The following CACNG2 variants were observed in gnomAD, a reference collection of about 807,000 sequenced individuals.
CACNG2 encodes calcium voltage-gated channel auxiliary subunit gamma 2.
A neutral mutation model predicts 25.9 loss-of-function variants in CACNG2; 3 were observed. The observed-to-expected ratio is 0.12, with a 90% CI of 0.05 to 0.30. The LOEUF is 0.30. Among genes scored for constraint, CACNG2 ranks in the 10% least tolerant of loss-of-function variants. The probability of loss-of-function intolerance (pLI) is 1.00; values close to 1 mark genes in which losing one functional copy is unlikely to be tolerated. For missense variants in CACNG2, 341 were observed against 432.5 expected, an observed-to-expected ratio of 0.79 and a Z score of 1.88; for synonymous variants, 167 against 173.3, an observed-to-expected ratio of 0.96 and a Z score of 0.29.
At chr22:36,583,829 G>C (rs2145919731) in intron 2 of CACNG2, among the ~76,000 whole-genome samples, 1 of 152,274 alleles carries the variant, frequency 6.6e-6, no homozygotes, top group South Asian at 2.1e-4. Flanking sequence ...TAGAATGAGA[G>C]CTGAGGTCTC....
intron 1 of CACNG2, among the ~76,000 whole-genome samples, chr22:36,645,180 A>G (rs1231542239): frequency 6.6e-6 from 1 of 152,062 alleles, no homozygotes; most frequent in Non-Finnish European, 1.5e-5. Context: ...GCATACCCAC[A>G]CCTCTTGGCT....
intron 1 of CACNG2, among the ~76,000 whole-genome samples, chr22:36,697,676 C>T (rs1158121521): frequency 6.6e-6 from 1 of 152,110 alleles, no homozygotes; most frequent in East Asian, 1.9e-4. Context: ...GAATGCAAGG[C>T]CTGGCTGTAT....
intron 1 of CACNG2, among the ~76,000 whole-genome samples, chr22:36,602,748 A>G (rs1935773714): frequency 6.6e-6 from 1 of 152,164 alleles, no homozygotes; most frequent in Admixed American, 6.6e-5. Flanking sequence ...GGATGTTACC[A>G]TTGTAATTGT....
intron 1 of CACNG2, among the ~76,000 whole-genome samples, chr22:36,636,538 C>T (rs1348071229): frequency 6.6e-6 from 1 of 152,188 alleles, no homozygotes; most frequent in Non-Finnish European, 1.5e-5. Context: ...GATATTTTAC[C>T]TTTAAACAAC....
chr22:36,688,587 A>G (rs1037080496), intron 1 of CACNG2, among the ~76,000 whole-genome samples: 4 of 151,448 alleles, frequency 2.6e-5, no homozygotes, highest in African/African-American at 9.7e-5. Flanking sequence ...GGACTGATAG[A>G]GGTGCTGGGA....
chr22:36,597,849 C>T (rs1935700285), intron 1 of CACNG2, among the ~76,000 whole-genome samples: 1 of 152,076 alleles, frequency 6.6e-6, no homozygotes. Context: ...GGGGGCCACA[C>T]TTTGGGTTGG....
chr22:36,702,650 G>A lies in CACNG2; in HGVS notation c.-74C>T. 2.7e-6 allele frequency: 3 copies of A among 1,101,376 alleles called. No individual in the cohort carries two copies. The highest frequency in any genetic ancestry group is 4.1e-6 in the Non-Finnish European group (3 of 724,022). 68.2% of individuals were successfully genotyped at this position (1,101,376 alleles called of 1,614,324 possible). Reference sequence around the variant, plus strand: ...TGTGTGTGAGGGTGCAAGTACTAAAGCCAAAAAAAATAAATAAAAATAAAA... The same window carrying A: ...TGTGTGTGAGGGTGCAAGTACTAAAACCAAAAAAAATAAATAAAAATAAAA... On this transcript the variant is annotated 5_prime_UTR_variant, in exon 1 of 4. Coordinates refer to ENST00000300105, the MANE Select transcript of CACNG2 (RefSeq NM_006078.5).
chr22:36,685,196 G>A (rs895788446), intron 1 of CACNG2, among the ~76,000 whole-genome samples: 9 of 152,188 alleles, frequency 5.9e-5, no homozygotes, highest in African/African-American at 1.7e-4. Context: ...CAGCCTGGGG[G>A]CGGGCAGGCC....
chr22:36,659,160 T>C (rs1204366676), intron 1 of CACNG2, among the ~76,000 whole-genome samples: 1 of 152,086 alleles, frequency 6.6e-6, no homozygotes, highest in Non-Finnish European at 1.5e-5. Context: ...ACAGGCCTGC[T>C]GAGAGATTTC....
chr22:36,623,133 G>C (rs183349479), intron 1 of CACNG2, among the ~76,000 whole-genome samples: 1 of 144,544 alleles, frequency 6.9e-6, no homozygotes, highest in Admixed American at 7.2e-5. Flanking sequence ...AGATTCTCCT[G>C]CCTCAGCCTC....
intron 1 of CACNG2, among the ~76,000 whole-genome samples, chr22:36,627,486 ACTG>A (rs1936201914): frequency 6.6e-6 from 1 of 152,050 alleles, no homozygotes; most frequent in African/African-American, 2.4e-5. Flanking sequence ...GAAAGCAAAA[ACTG>A]CTTGTCAACC....
chr22:36,628,335 T>C (rs776952949), intron 1 of CACNG2, among the ~76,000 whole-genome samples: 2 of 152,198 alleles, frequency 1.3e-5, no homozygotes, highest in African/African-American at 4.8e-5. Flanking sequence ...CTTGCCCAGA[T>C]GGATATTAGA....
chr22:36,659,450 C>T (rs1221968433), intron 1 of CACNG2, among the ~76,000 whole-genome samples: 1 of 152,146 alleles, frequency 6.6e-6, no homozygotes, highest in Admixed American at 6.5e-5. Flanking sequence ...TTACTTATTT[C>T]ATGTGAGGAA....
In CACNG2 at chr22:36,579,905, C is replaced by T. The variant is rs192303912; in HGVS notation, c.295+7560G>A. ...CCCTGTTGCAAACTGAAGCCCTCCC[C>T]GGGCGCCCATCTCTCCTCCCTGTTT... On this transcript the variant is annotated intron_variant, in intron 2 of 3. Coordinates refer to ENST00000300105, the MANE Select transcript of CACNG2 (RefSeq NM_006078.5). 7.9e-5 allele frequency among the ~76,000 whole-genome samples: 12 copies of T among 152,366 alleles called. No homozygotes were observed. In the East Asian group the frequency reaches 1.5e-3, roughly 20 times the overall value.
rs958878047 is a variant in CACNG2, at chr22:36,697,815, C to T, written c.211+4551G>A. On this transcript the variant is annotated intron_variant, in intron 1 of 3. Transcript: ENST00000300105. ...CAGGGGTGGGCCATTCTAAGGCCTGCTCTCTGCTCAGAGGTGTCTGTTCTG... is the reference window on the plus strand; with the variant it reads ...CAGGGGTGGGCCATTCTAAGGCCTGTTCTCTGCTCAGAGGTGTCTGTTCTG... Among the ~76,000 whole-genome samples the T allele has an allele frequency of 2.6e-4, 40 of 152,182 alleles. 1 individual carries two copies. Among genetic ancestry groups the T allele is most frequent in the Non-Finnish European group, 2.8e-4 (19 of 68,022 alleles).
At chr22:36,699,237 TCA>T (rs3076293) in intron 1 of CACNG2, among the ~76,000 whole-genome samples, 24,702 of 141,674 alleles carry the variant, frequency 0.17, 2,404 homozygotes, top group South Asian at 0.25. Flanking sequence ...GATTTCAAGT[TCA>T]CACACACACA....
At chr22:36,604,313 T>C (rs1370939602) in intron 1 of CACNG2, among the ~76,000 whole-genome samples, 6 of 152,234 alleles carry the variant, frequency 3.9e-5, no homozygotes, top group Non-Finnish European at 8.8e-5. Context: ...AGTGGTTTCC[T>C]GAGATGGAAT....
chr22:36,660,644 G>A (rs1936778455), intron 1 of CACNG2, among the ~76,000 whole-genome samples: 1 of 152,236 alleles, frequency 6.6e-6, no homozygotes, highest in Non-Finnish European at 1.5e-5. Context: ...CCCAGGTGAG[G>A]CGGGCGGGGC....
At position 36,564,298 on chromosome 22, in the gene CACNG2, G is replaced by T. The variant is rs1935085183; in HGVS notation, c.*53C>A. ...GGTCTGGGTCTCCCCGCCCCGCCCC[G>T]CCCCCGGGGACCGCGCCCTCCTCCC... On this transcript the variant is annotated 3_prime_UTR_variant, in exon 4 of 4. Transcript: ENST00000300105. The surrounding 1 kb of genome is among the most constrained non-coding windows in gnomAD (Gnocchi z 6.7). The T allele has an allele frequency of 1.7e-6, 2 of 1,143,852 alleles. No homozygotes were observed. Among genetic ancestry groups the T allele is most frequent in the Non-Finnish European group, 2.4e-6 (2 of 822,364 alleles). The allele number at this position is 1,143,852 out of a possible 1,614,324, so 70.9% of individuals were successfully genotyped here.
Sources: allele counts gnomAD v4.1 joint callset (sites outside exome capture counted in the v4.1 genomes callset), GRCh38; gene constraint gnomAD v4.1.1; non-coding constraint Gnocchi (gnomAD v3.1); transcripts MANE v1.5; gene names NCBI Gene and HGNC (gene_info 2026-07-23, HGNC 2026-07-21).